The following SRPK2 variants were observed in gnomAD, a reference collection of about 807,000 sequenced individuals.
The protein encoded by SRPK2 is SFRS protein kinase 2.
A neutral mutation model predicts 90.8 loss-of-function variants in SRPK2; 21 were observed. The observed-to-expected ratio is 0.23, with a 90% CI of 0.16 to 0.33. The LOEUF (loss-of-function observed/expected upper bound fraction) is 0.33. Ranked by LOEUF, SRPK2 falls within the 10% of genes least tolerant of loss-of-function variation. The probability of loss-of-function intolerance (pLI) is 1.00; values close to 1 mark genes in which losing one functional copy is unlikely to be tolerated. For missense variants in SRPK2, 620 were observed against 869.0 expected (o/e 0.71, Z 3.60); for synonymous variants, 288 against 311.1 (o/e 0.93, Z 0.78).
intron 2 of SRPK2, among the ~76,000 whole-genome samples, chr7:105,329,918 C>G (rs1258394732): frequency 1.3e-5 from 2 of 151,594 alleles, no homozygotes; most frequent in Non-Finnish European, 2.9e-5. Context: ...ACCTCTAATC[C>G]CAGCTACTCG....
chr7:105,186,278 C>T (rs747309718), intron 3 of SRPK2, among the ~76,000 whole-genome samples: 2 of 151,996 alleles, frequency 1.3e-5, no homozygotes, highest in African/African-American at 4.8e-5. Flanking sequence ...TTTGGGCTTC[C>T]GGTATACCCA....
chr7:105,324,331 CT>C (rs542749531), intron 2 of SRPK2, among the ~76,000 whole-genome samples: 2 of 146,688 alleles, frequency 1.4e-5, no homozygotes, highest in South Asian at 2.2e-4. Flanking sequence ...TCCCTTCTTT[CT>C]TTTTTTTTGA....
chr7:105,301,286 C>CAAA (rs35944611), intron 2 of SRPK2, among the ~76,000 whole-genome samples: 2 of 123,804 alleles, frequency 1.6e-5, no homozygotes, highest in Non-Finnish European at 1.7e-5. Flanking sequence ...ACTAAAAATA[C>CAAA]AAAAAAAAAA....
intron 2 of SRPK2, chr7:105,301,937 A>C: frequency 6.2e-7 from 1 of 1,609,502 alleles, no homozygotes; most frequent in African/African-American, 1.3e-5. Context: ...CCCATCAAGT[A>C]AGAAAAAAGA....
chr7:105,137,485 G>C (rs1335551883), intron 11 of SRPK2, among the ~76,000 whole-genome samples: 5 of 126,914 alleles, frequency 3.9e-5, no homozygotes, highest in Non-Finnish European at 8.0e-5. Flanking sequence ...CGGAGGCTGT[G>C]TTAACAGTAG....
At chr7:105,210,767 T>G (rs945211077) in intron 2 of SRPK2, among the ~76,000 whole-genome samples, 2 of 152,186 alleles carry the variant, frequency 1.3e-5, no homozygotes, top group Non-Finnish European at 2.9e-5. Context: ...GAGGGTTTTC[T>G]TTGGCTGGTC....
At chr7:105,291,168 T>G (rs1808963504) in intron 2 of SRPK2, among the ~76,000 whole-genome samples, 1 of 152,066 alleles carries the variant, frequency 6.6e-6, no homozygotes, top group South Asian at 2.1e-4. Context: ...TGGCAGGACT[T>G]AAGTCGGTAC....
chr7:105,320,357 C>A (rs1348338156), intron 2 of SRPK2, among the ~76,000 whole-genome samples: 1 of 152,166 alleles, frequency 6.6e-6, no homozygotes, highest in Admixed American at 6.5e-5. Context: ...AGAGGAACTA[C>A]ATCTTCAAAA....
chr7:105,383,361 C>T (rs1357780239), intron 2 of SRPK2, among the ~76,000 whole-genome samples: 2 of 150,748 alleles, frequency 1.3e-5, no homozygotes, highest in Admixed American at 1.3e-4. Context: ...GCCACCGCAC[C>T]CGGCCTCAAA....
At chr7:105,246,023 A>G (rs543580146) in intron 2 of SRPK2, among the ~76,000 whole-genome samples, 1 of 152,206 alleles carries the variant, frequency 6.6e-6, no homozygotes, top group African/African-American at 2.4e-5. Flanking sequence ...GAGAGAGGAT[A>G]ATGGCTCTAG....
intron 2 of SRPK2, among the ~76,000 whole-genome samples, chr7:105,365,508 A>T (rs199633500): frequency 1.0e-4 from 14 of 137,280 alleles, no homozygotes; most frequent in African/African-American, 3.8e-4. Flanking sequence ...AAAAAAAAAA[A>T]ATTATATATA....
intron 13 of SRPK2, among the ~76,000 whole-genome samples, chr7:105,129,135 G>A (rs1037921419): frequency 2.3e-4 from 35 of 151,836 alleles, no homozygotes; most frequent in African/African-American, 8.5e-4. Context: ...CTAATTTTTT[G>A]TAGAGACGGG....
chr7:105,366,082 T>C (rs1473393011), intron 2 of SRPK2, among the ~76,000 whole-genome samples: 1 of 152,040 alleles, frequency 6.6e-6, no homozygotes, highest in Non-Finnish European at 1.5e-5. Context: ...CTTGATCTCT[T>C]GACCTTGTGA....
intron 2 of SRPK2, among the ~76,000 whole-genome samples, chr7:105,221,469 T>A (rs1798085518): frequency 1.3e-5 from 2 of 152,212 alleles, no homozygotes; most frequent in Admixed American, 6.5e-5. Context: ...TGCCTGATGA[T>A]CTGGTTTACG....
intron 11 of SRPK2, 57 bp from the exon 12 acceptor site, chr7:105,133,161 G>A (rs1256529227): frequency 2.6e-6 from 4 of 1,517,392 alleles, no homozygotes; most frequent in Admixed American, 1.7e-5. Context: ...TTGCATGTGT[G>A]AGCACAGTGT....
At position 105,315,010 on chromosome 7, in the gene SRPK2, C is replaced by T. The variant is rs539643360; in HGVS notation, c.71+73638G>A. 8.5e-5 allele frequency among the ~76,000 whole-genome samples: 13 copies of T among 152,308 alleles called. No individual in the cohort carries two copies. The South Asian group carries it at 2.7e-3, about 32-fold the overall frequency. On this transcript the variant is annotated intron_variant, in intron 2 of 15. Coordinates refer to ENST00000393651, the MANE Select transcript of SRPK2 (RefSeq NM_182692.3). The stretch of plus-strand genomic sequence containing the variant: ...ACAATTTATGAGCTGGGTGCAGTGG[C>T]TCCTGCCTGGAATCCCAGCACTCTG...
At chr7:105,380,157 A>C (rs1820774420) in intron 2 of SRPK2, among the ~76,000 whole-genome samples, 1 of 152,174 alleles carries the variant, frequency 6.6e-6, no homozygotes, top group South Asian at 2.1e-4. Flanking sequence ...CTTAAGAGGG[A>C]GTTTCACTGC....
At chr7:105,187,936 T>G (rs1362669179) in intron 3 of SRPK2, among the ~76,000 whole-genome samples, 2 of 152,174 alleles carry the variant, frequency 1.3e-5, no homozygotes, top group East Asian at 3.8e-4. Context: ...ATAGGATTGC[T>G]GGTGGGAATA....
At chr7:105,351,358 C>A (rs1045527180) in intron 2 of SRPK2, among the ~76,000 whole-genome samples, 1 of 151,930 alleles carries the variant, frequency 6.6e-6, no homozygotes, top group South Asian at 2.1e-4. Flanking sequence ...CAGTCTTAAC[C>A]AGGCCCACCC....
Sources: gnomAD v4.1 joint callset for allele counts (sites outside exome capture counted in the v4.1 genomes callset) on GRCh38, gnomAD v4.1.1 for gene constraint, MANE v1.5 for transcripts, NCBI Gene and HGNC (gene_info 2026-07-23, HGNC 2026-07-21) for gene names.